CNNM1: variants seen among roughly 807,000 people sequenced by gnomAD.
CNNM1 encodes the protein metal transporter CNNM1.
In CNNM1, 44 loss-of-function variants were observed where a neutral mutation model predicts 78.8. That is an observed-to-expected ratio of 0.56 (90% CI 0.44 to 0.72). CNNM1 has a LOEUF of 0.72. Ranked by LOEUF, CNNM1 falls within the 30% of genes least tolerant of loss-of-function variation. The pLI, the probability that CNNM1 is intolerant of heterozygous loss-of-function variation, is 0.00. For synonymous variants in CNNM1, 584 were observed against 581.5 expected, an observed-to-expected ratio of 1.00 and a Z score of -0.06; for missense variants, 1,101 against 1,292.2, an observed-to-expected ratio of 0.85 and a Z score of 2.27.
intron 1 of CNNM1, among the ~76,000 whole-genome samples, chr10:99,340,350 T>G (rs1278375736): frequency 6.6e-6 from 1 of 152,236 alleles, no homozygotes; most frequent in East Asian, 1.9e-4. Flanking sequence ...ATACCAGCCT[T>G]CACTGTCAAA....
chr10:99,376,436 C>T (rs1292872547), intron 6 of CNNM1, among the ~76,000 whole-genome samples: 1 of 152,214 alleles, frequency 6.6e-6, no homozygotes, highest in East Asian at 1.9e-4. Context: ...TGTGGGCTTC[C>T]GTTTGTCTCA....
At chr10:99,357,153 GGGA>G (rs1180299161) in intron 1 of CNNM1, among the ~76,000 whole-genome samples, 1 of 152,108 alleles carries the variant, frequency 6.6e-6, no homozygotes, top group Non-Finnish European at 1.5e-5. Context: ...GGGGGCTTAG[GGGA>G]GGAGAATGAC....
chr10:99,357,724 C>T, intron 2 of CNNM1, 69 bp downstream of exon 2: 3 of 1,428,196 alleles, frequency 2.1e-6, no homozygotes, highest in Non-Finnish European at 2.8e-6. Context: ...GGTAAAGCCT[C>T]ATTTGATTTA....
intron 6 of CNNM1, among the ~76,000 whole-genome samples, chr10:99,376,241 G>C (rs2031958501): frequency 6.6e-6 from 1 of 152,150 alleles, no homozygotes; most frequent in South Asian, 2.1e-4. Flanking sequence ...CAGAATCCTG[G>C]AATCCCCACC....
At chr10:99,361,552 A>G (rs113814327) in intron 3 of CNNM1, among the ~76,000 whole-genome samples, 4,742 of 152,314 alleles carry the variant, frequency 0.031, 85 homozygotes, top group East Asian at 0.091. Flanking sequence ...ATATTTATTG[A>G]GTATGTAATG....
At chr10:99,353,420 A>G (rs2031018471) in intron 1 of CNNM1, among the ~76,000 whole-genome samples, 1 of 152,194 alleles carries the variant, frequency 6.6e-6, no homozygotes, top group Admixed American at 6.5e-5. Context: ...AGGTAGCTTC[A>G]ATAATAATAA....
intron 1 of CNNM1, among the ~76,000 whole-genome samples, chr10:99,353,758 C>T (rs1363769919): frequency 6.6e-6 from 1 of 152,202 alleles, no homozygotes; most frequent in East Asian, 1.9e-4. Context: ...TGTAGCAGAT[C>T]TCAACAGGCT....
intron 7 of CNNM1, among the ~76,000 whole-genome samples, chr10:99,383,181 G>A (rs1350240451): frequency 6.6e-6 from 1 of 152,192 alleles, no homozygotes; most frequent in Non-Finnish European, 1.5e-5. Context: ...TTAGAGAGAG[G>A]AAGCTTAAGG....
intron 6 of CNNM1, among the ~76,000 whole-genome samples, chr10:99,373,600 G>A (rs1001920924): frequency 6.6e-6 from 1 of 152,158 alleles, no homozygotes; most frequent in Non-Finnish European, 1.5e-5. Flanking sequence ...GGGGGTACAA[G>A]TGCATTTTTG....
chr10:99,371,288 T>C lies in CNNM1; in HGVS notation c.2177-5767T>C, dbSNP rs568107531. 8.6e-4 allele frequency among the ~76,000 whole-genome samples: 131 copies of C among 152,346 alleles called. 1 individual carries two copies. The highest frequency in any genetic ancestry group is 3.1e-3 in the African/African-American group (127 of 41,588). ...TGGTTCACAGATTACCTCCAGGTTG[T>C]GGTGTGGTTAACCAACTTGGCAGGT... is the stretch of plus-strand genomic sequence containing the variant. On this transcript the variant is annotated intron_variant, in intron 6 of 10. Transcript: ENST00000356713.
intron 6 of CNNM1, 94 bp from the exon 7 acceptor site, chr10:99,376,961 A>G: frequency 1.6e-6 from 2 of 1,227,558 alleles, no homozygotes; most frequent in Non-Finnish European, 2.3e-6. Context: ...AGTAAACAAC[A>G]CCTGTCTCTC....
chr10:99,363,738 A>ATT (rs2031513563), intron 4 of CNNM1, among the ~76,000 whole-genome samples: 1 of 136,238 alleles, frequency 7.3e-6, no homozygotes, highest in Non-Finnish European at 1.6e-5. Context: ...ATTAGATTTT[A>ATT]TCTTTTTTTT....
intron 1 of CNNM1, among the ~76,000 whole-genome samples, chr10:99,356,600 G>GAAAGAAAGAAAGAAAAGA (rs780076032): frequency 1.2e-3 from 155 of 129,408 alleles, no homozygotes; most frequent in Middle Eastern, 3.8e-3. Flanking sequence ...AAGAAAGAAA[G>GAAAGAAAGAAAGAAAAGA]AAAGAAAAGA....
chr10:99,342,096 A>G (rs752998142), intron 1 of CNNM1, among the ~76,000 whole-genome samples: 47 of 152,328 alleles, frequency 3.1e-4, no homozygotes, highest in Non-Finnish European at 4.0e-4. Flanking sequence ...TCTCACTTAC[A>G]GTTTCTGTTT....
chr10:99,341,282 CA>C (rs2134020206), intron 1 of CNNM1, among the ~76,000 whole-genome samples: 2 of 152,160 alleles, frequency 1.3e-5, no homozygotes, highest in African/African-American at 4.8e-5. Context: ...GTGTGACATC[CA>C]GGAGGGAAAG....
intron 7 of CNNM1, among the ~76,000 whole-genome samples, chr10:99,384,427 G>C (rs944719184): frequency 6.6e-6 from 1 of 152,110 alleles, no homozygotes; most frequent in African/African-American, 2.4e-5. Context: ...TTAGCCATTG[G>C]GTGGTACCTT....
At chr10:99,390,770 C>T (rs1389807986) in intron 10 of CNNM1, among the ~76,000 whole-genome samples, 1 of 152,200 alleles carries the variant, frequency 6.6e-6, no homozygotes, top group Non-Finnish European at 1.5e-5. Context: ...GACCATATGG[C>T]CCACAGGCCT....
intron 1 of CNNM1, among the ~76,000 whole-genome samples, chr10:99,347,684 C>T (rs889007488): frequency 1.6e-4 from 25 of 151,788 alleles, no homozygotes; most frequent in Non-Finnish European, 2.5e-4. Flanking sequence ...CACATTGGCA[C>T]CTCCCCTACC....
intron 1 of CNNM1, among the ~76,000 whole-genome samples, chr10:99,331,345 G>A (rs1404879596): frequency 6.6e-6 from 1 of 152,138 alleles, no homozygotes; most frequent in Non-Finnish European, 1.5e-5. Flanking sequence ...AGCAGCCTTT[G>A]CTTTAAACTC....
Sources: gnomAD v4.1 joint callset for allele counts (sites outside exome capture counted in the v4.1 genomes callset) on GRCh38, gnomAD v4.1.1 for gene constraint, MANE v1.5 for transcripts, NCBI Gene and HGNC (gene_info 2026-07-23, HGNC 2026-07-21) for gene names.